Variants in GRB14 observed in about 807,000 individuals in gnomAD.
GRB14 encodes growth factor receptor bound protein 14.
Under a neutral mutation model 69.1 loss-of-function variants are expected in GRB14, and 38 were observed. The observed-to-expected ratio is 0.55, with a 90% CI of 0.42 to 0.72. The LOEUF is 0.72. Among genes scored for constraint, GRB14 ranks in the 30% least tolerant of loss-of-function variants. The pLI, the probability that GRB14 is intolerant of heterozygous loss-of-function variation, is 0.00. For missense variants in GRB14, 666 were observed against 666.1 expected, an observed-to-expected ratio of 1.00 and a Z score of 0.00; for synonymous variants, 247 against 241.3, an observed-to-expected ratio of 1.02 and a Z score of -0.22.
rs549763411 is a variant in GRB14 at position 164,551,167 on chromosome 2, AG to A, written c.325-3352del. 2.8e-3 allele frequency among the ~76,000 whole-genome samples: 424 copies of A among 152,334 alleles called. 5 individuals are homozygous for A. Among genetic ancestry groups the A allele is most frequent in the African/African-American group, 9.7e-3 (403 of 41,580 alleles). On this transcript the variant is annotated intron_variant, in intron 2 of 13. Coordinates refer to ENST00000263915, the MANE Select transcript of GRB14 (RefSeq NM_004490.3). ...ATCAGTGCACCATCGCCTCAGCTCC[AG>A]GGTGGAAGATGTTTTCTATATTGAC...
chr2:164,493,224 A>C, intron 13 of GRB14, 42 bp from the exon 14 acceptor site: 1 of 1,571,474 alleles, frequency 6.4e-7, no homozygotes, highest in Admixed American at 1.7e-5. Context: ...AGGATAAATT[A>C]CACAGAAGGA....
At chr2:164,503,442 CAAAAAAAAAAAAAAAAAAAA>C (rs148268784) in intron 8 of GRB14, among the ~76,000 whole-genome samples, 3 of 92,256 alleles carry the variant, frequency 3.3e-5, no homozygotes, top group African/African-American at 1.3e-4. Context: ...GGTAATTAGG[CAAAAAAAAAAAAAAAAAAAA>C]AAAAAAAAAA....
chr2:164,507,203 CTT>C (rs1163763567), intron 8 of GRB14, among the ~76,000 whole-genome samples: 30 of 152,098 alleles, frequency 2.0e-4, no homozygotes, highest in Admixed American at 2.0e-3. Flanking sequence ...CCTGATATCT[CTT>C]AAGTTGGATG....
chr2:164,513,079 T>C (rs1023775625), intron 6 of GRB14, among the ~76,000 whole-genome samples: 2 of 152,186 alleles, frequency 1.3e-5, no homozygotes, highest in African/African-American at 4.8e-5. Context: ...TTTAATCTTG[T>C]GGCCCCTCTC....
intron 2 of GRB14, among the ~76,000 whole-genome samples, chr2:164,579,384 G>A (rs1025857662): frequency 1.3e-5 from 2 of 152,116 alleles, no homozygotes; most frequent in African/African-American, 2.4e-5. Flanking sequence ...ATGATTTAAT[G>A]ATTTATCTGC....
chr2:164,577,154 G>A (rs976943773), intron 2 of GRB14, among the ~76,000 whole-genome samples: 11 of 152,104 alleles, frequency 7.2e-5, no homozygotes, highest in African/African-American at 2.4e-4. Flanking sequence ...AATCCTAGAC[G>A]GTTTGATTTA....
At position 164,619,736 on chromosome 2, in the gene GRB14, G is replaced by A; in HGVS notation, c.275C>T (p.Ser92Phe). The part of the protein sequence containing the change: ...FPELCCSPFT[S>F]VLSADLFPKA... ...GGGAAATAGGTCTGCTGACAACACAGATGTAAATGGAGAACAGCATAGCTC... is the reference window on the plus strand; with the variant it reads ...GGGAAATAGGTCTGCTGACAACACAAATGTAAATGGAGAACAGCATAGCTC... Residue 92 changes from serine to phenylalanine, a missense_variant, in exon 2 of 14, where the codon TCT becomes TTT. By Grantham distance (155) the Ser-to-Phe change is radical. Transcript: ENST00000263915. 6.2e-7 allele frequency: 1 copy of A among 1,603,944 alleles called. No individual in the cohort carries two copies. The highest frequency in any genetic ancestry group is 8.5e-7 in the Non-Finnish European group (1 of 1,174,578).
In GRB14 at chr2:164,508,471, G is replaced by A. The variant is rs756507556; in HGVS notation, c.1007C>T (p.Ala336Val). ...EEQSRTCWVT[A>V]IRLLKYGMQL... ...CGAGATTACCTTAAGCAATCTAATC[G>A]CGGTCACCCAGCACGTCCTACTCTG... is the stretch of plus-strand genomic sequence containing the variant. The change falls in exon 8 of 14, where the codon GCG (alanine) becomes GTG (valine). Residue 336 changes from alanine to valine, a missense_variant. Coordinates refer to ENST00000263915, the MANE Select transcript of GRB14 (RefSeq NM_004490.3). 9 of 1,613,626 alleles carry A rather than the reference G, an allele frequency of 5.6e-6. No homozygotes were observed. In the East Asian group the frequency reaches 8.9e-5, roughly 16 times the overall value.
At chr2:164,556,887 A>C (rs984405798) in intron 2 of GRB14, among the ~76,000 whole-genome samples, 1 of 152,330 alleles carries the variant, frequency 6.6e-6, no homozygotes, top group South Asian at 2.1e-4. Context: ...CGATTCCTTC[A>C]GTGATGAAAG....
chr2:164,515,677 C>T (rs1687462475), intron 6 of GRB14, among the ~76,000 whole-genome samples: 1 of 151,920 alleles, frequency 6.6e-6, no homozygotes, highest in Non-Finnish European at 1.5e-5. Context: ...TAAAAGATGA[C>T]ACTAGCTCAC....
At chr2:164,531,367 C>A (rs2105293382) in intron 3 of GRB14, among the ~76,000 whole-genome samples, 1 of 152,310 alleles carries the variant, frequency 6.6e-6, no homozygotes, top group South Asian at 2.1e-4. Context: ...CAGTGGGAGA[C>A]AATTTCAAGA....
chr2:164,563,414 G>T (rs867336731), intron 2 of GRB14, among the ~76,000 whole-genome samples: 1 of 152,118 alleles, frequency 6.6e-6, no homozygotes, highest in Non-Finnish European at 1.5e-5. Flanking sequence ...CTCCAGGCCC[G>T]CATTTCCTGA....
rs555112338 is a variant in GRB14, at chr2:164,545,290, A to C, written c.481+2370T>G. Among the ~76,000 whole-genome samples, 4 of 152,308 alleles carry C rather than the reference A, an allele frequency of 2.6e-5. No homozygotes were observed. The East Asian group carries it at 7.7e-4, about 29-fold the overall frequency. ...GCCCCCGAAAGATAACCACATCTTA[A>C]TTCCTAGAACCTGTGAATGTCACGT... On this transcript the variant is annotated intron_variant, in intron 3 of 13. Transcript: ENST00000263915.
At chr2:164,544,781 C>T (rs1464749536) in intron 3 of GRB14, among the ~76,000 whole-genome samples, 1 of 152,166 alleles carries the variant, frequency 6.6e-6, no homozygotes, top group Non-Finnish European at 1.5e-5. Flanking sequence ...TTCTAGCTTC[C>T]TCTCCACAGG....
At chr2:164,530,865 C>T (rs944226186) in intron 3 of GRB14, among the ~76,000 whole-genome samples, 1 of 152,124 alleles carries the variant, frequency 6.6e-6, no homozygotes, top group Non-Finnish European at 1.5e-5. Flanking sequence ...CATGAACTAA[C>T]AAGTTTCAAT....
chr2:164,557,781 T>C (rs951790279), intron 2 of GRB14, among the ~76,000 whole-genome samples: 3 of 152,198 alleles, frequency 2.0e-5, no homozygotes, highest in African/African-American at 7.2e-5. Context: ...GGTATAGATT[T>C]GTATGATATT....
At chr2:164,522,205 A>T in intron 5 of GRB14, 88 bp from the exon 6 acceptor site, 1 of 760,224 alleles carries the variant, frequency 1.3e-6, no homozygotes, top group Admixed American at 2.4e-5. Context: ...CCAAATATAA[A>T]CATGTAAAAA....
At chr2:164,522,561 A>G (rs1486283168) in intron 5 of GRB14, among the ~76,000 whole-genome samples, 1 of 152,132 alleles carries the variant, frequency 6.6e-6, no homozygotes, top group Non-Finnish European at 1.5e-5. Flanking sequence ...CCCTGAGATT[A>G]CAGGTTTACC....
intron 5 of GRB14, among the ~76,000 whole-genome samples, chr2:164,522,767 C>CACATGCTCTTCTGTAATG (rs1185454591): frequency 2.6e-5 from 4 of 152,098 alleles, no homozygotes; most frequent in Admixed American, 2.0e-4. Context: ...TCTTCCATCC[C>CACATGCTCTTCTGTAATG]ACATGCTCTT....
Sources: gnomAD v4.1 joint callset for allele counts (sites outside exome capture counted in the v4.1 genomes callset) on GRCh38, gnomAD v4.1.1 for gene constraint, MANE v1.5 for transcripts, NCBI Gene and HGNC (gene_info 2026-07-23, HGNC 2026-07-21) for gene names.